Variants in HIPK2 observed in about 807,000 individuals in gnomAD.
HIPK2 encodes the protein homeodomain interacting protein kinase 2, also known as homeodomain-interacting protein kinase 2.
HIPK2 carries 27 observed loss-of-function variants against 113.7 expected under a neutral mutation model. The ratio of observed to expected loss-of-function variants is 0.24; its 90% CI spans 0.17 to 0.33. The LOEUF (loss-of-function observed/expected upper bound fraction) is 0.33. Among genes scored for constraint, HIPK2 ranks in the 10% least tolerant of loss-of-function variants. HIPK2 has a pLI of 1.00. For missense variants in HIPK2, 1,257 were observed against 1,588.0 expected, an observed-to-expected ratio of 0.79 and a Z score of 3.54; for synonymous variants, 631 against 642.2, an observed-to-expected ratio of 0.98 and a Z score of 0.26.
At chr7:139,610,030 C>A (rs1260414703) in intron 9 of HIPK2, among the ~76,000 whole-genome samples, 1 of 152,194 alleles carries the variant, frequency 6.6e-6, no homozygotes, top group Non-Finnish European at 1.5e-5. Flanking sequence ...TGTTCACTTT[C>A]CTAATTACAG....
At chr7:139,680,768 A>AC (rs1554443292) in intron 2 of HIPK2, among the ~76,000 whole-genome samples, 4 of 151,938 alleles carry the variant, frequency 2.6e-5, no homozygotes, top group African/African-American at 4.8e-5. Context: ...GCCCACTGGG[A>AC]TTTTTTTGCT....
intron 2 of HIPK2, among the ~76,000 whole-genome samples, chr7:139,682,667 T>C (rs886568708): frequency 6.6e-6 from 1 of 152,214 alleles, no homozygotes; most frequent in Non-Finnish European, 1.5e-5. Context: ...AAGTGCTCCA[T>C]GCATGTTTAT....
chr7:139,619,061 G>C (rs980499246), intron 7 of HIPK2, among the ~76,000 whole-genome samples: 2 of 152,294 alleles, frequency 1.3e-5, no homozygotes, highest in South Asian at 4.1e-4. Context: ...ACGGCCCCCA[G>C]AGGGCAGCAG....
chr7:139,604,525 C>CA (rs1213178151), intron 9 of HIPK2, among the ~76,000 whole-genome samples: 2 of 151,490 alleles, frequency 1.3e-5, no homozygotes, highest in South Asian at 2.1e-4. Context: ...ACTAAAAATA[C>CA]AAAAAATTAG....
intron 2 of HIPK2, among the ~76,000 whole-genome samples, chr7:139,668,955 A>G (rs748021343): frequency 1.3e-5 from 2 of 151,932 alleles, no homozygotes; most frequent in Non-Finnish European, 2.9e-5. Flanking sequence ...GAAAATAATC[A>G]AATAACCATG....
intron 2 of HIPK2, among the ~76,000 whole-genome samples, chr7:139,644,612 A>G (rs1801144473): frequency 6.6e-6 from 1 of 152,174 alleles, no homozygotes; most frequent in South Asian, 2.1e-4. Context: ...CTTCCGATTC[A>G]TTGTTAGTCT....
intron 2 of HIPK2, among the ~76,000 whole-genome samples, chr7:139,646,391 T>TA (rs1801224900): frequency 1.3e-5 from 2 of 151,084 alleles, no homozygotes; most frequent in African/African-American, 2.4e-5. Context: ...TCCCAGCTAC[T>TA]CAGGAGGCTG....
chr7:139,767,413 A>G (rs1796570750), intron 1 of HIPK2, among the ~76,000 whole-genome samples: 1 of 152,232 alleles, frequency 6.6e-6, no homozygotes, highest in African/African-American at 2.4e-5. Flanking sequence ...CTCAAGGAAC[A>G]CACAGTCAAA....
chr7:139,708,712 G>A (rs1794980189), intron 2 of HIPK2, among the ~76,000 whole-genome samples: 1 of 152,216 alleles, frequency 6.6e-6, no homozygotes, highest in Non-Finnish European at 1.5e-5. Flanking sequence ...GTGTGTGCGT[G>A]TGCCCTTGCA....
intron 1 of HIPK2, among the ~76,000 whole-genome samples, chr7:139,729,367 GAGAGAGAGAGAGAGAGAA>G: frequency 7.0e-6 from 1 of 142,268 alleles, no homozygotes; most frequent in African/African-American, 2.8e-5. Context: ...GAGAGAGAGA[GAGAGAGAGAGAGAGAGAA>G]TTGGGAGTGG....
Position 139,563,865 on chromosome 7 carries a change from G to A in HIPK2, c.*9062C>T. On this transcript the variant is annotated 3_prime_UTR_variant, in exon 15 of 15. Transcript: ENST00000406875. ...TATCTGCTAAAGGAATGCCCTTTAG[G>A]TCACAGCAGGTCCTCTGCAGTTTGG... The A allele has an allele frequency of 2.5e-6, 1 of 398,578 alleles. No homozygotes were observed. The highest frequency in any genetic ancestry group is 4.4e-6 in the Non-Finnish European group (1 of 226,060). 24.7% of individuals were successfully genotyped at this position (398,578 alleles called of 1,614,324 possible). A position where few individuals can be genotyped will look rare whatever the true frequency, so the allele number is the denominator to read the frequency against.
chr7:139,773,114 T>A (rs2117181447), intron 1 of HIPK2, among the ~76,000 whole-genome samples: 1 of 152,298 alleles, frequency 6.6e-6, no homozygotes, highest in East Asian at 1.9e-4. Context: ...AGGTCCTGCA[T>A]AAATGTTTGC....
intron 2 of HIPK2, among the ~76,000 whole-genome samples, chr7:139,661,081 T>A (rs1801852837): frequency 6.6e-6 from 1 of 152,246 alleles, no homozygotes; most frequent in East Asian, 1.9e-4. Context: ...GGTTGATCTA[T>A]TGCCAATTTC....
At chr7:139,593,158 G>C (rs1405712172) in intron 12 of HIPK2, among the ~76,000 whole-genome samples, 2 of 152,230 alleles carry the variant, frequency 1.3e-5, no homozygotes, top group South Asian at 4.1e-4. Context: ...CAGTTATTAA[G>C]TTTGACATTT....
chr7:139,763,503 T>C (rs1796505108), intron 1 of HIPK2, among the ~76,000 whole-genome samples: 1 of 110,394 alleles, frequency 9.1e-6, no homozygotes, highest in Non-Finnish European at 1.7e-5. Context: ...TCCCACCACG[T>C]GACTCGTGTA....
intron 1 of HIPK2, among the ~76,000 whole-genome samples, chr7:139,771,586 G>A (rs536638037): frequency 1.3e-5 from 2 of 152,272 alleles, no homozygotes; most frequent in South Asian, 2.1e-4. Flanking sequence ...GGAACTGCAC[G>A]GCTATTGTAG....
At chr7:139,595,167 C>A (rs1799158634) in intron 12 of HIPK2, among the ~76,000 whole-genome samples, 1 of 152,142 alleles carries the variant, frequency 6.6e-6, no homozygotes, top group Non-Finnish European at 1.5e-5. Flanking sequence ...TTTTAAATTG[C>A]TTTTGCTTTT....
intron 9 of HIPK2, among the ~76,000 whole-genome samples, chr7:139,608,599 C>T (rs956508214): frequency 2.0e-5 from 3 of 152,104 alleles, no homozygotes; most frequent in African/African-American, 7.2e-5. Context: ...TGTGGGCAAC[C>T]TAATTCCAGT....
chr7:139,626,651 G>C lies in HIPK2; in HGVS notation c.1569C>G (p.Asn523Lys), dbSNP rs1189251746. 1.9e-6 allele frequency: 3 copies of C among 1,613,986 alleles called. No homozygotes were observed. Among genetic ancestry groups the C allele is most frequent in the Non-Finnish European group, 2.5e-6 (3 of 1,179,896 alleles). ...AGTGTGTCATGGTGACAAAGGGATG[G>C]TTCAGGGTTTCGATTGGAGTGATTC... is the stretch of plus-strand genomic sequence containing the variant. ...DKRITPIETL[N>K]HPFVTMTHLL... is the part of the protein sequence containing the mutation. The change falls in exon 6 of 15, where the codon AAC (asparagine) becomes AAG (lysine). Residue 523 changes from asparagine (N) to lysine (K), a missense_variant. Asn to Lys is a moderately conservative substitution (Grantham distance 94). Coordinates refer to ENST00000406875, the MANE Select transcript of HIPK2 (RefSeq NM_022740.5).
Sources: gnomAD v4.1 joint callset for allele counts (sites outside exome capture counted in the v4.1 genomes callset) on GRCh38, gnomAD v4.1.1 for gene constraint, MANE v1.5 for transcripts, NCBI Gene and HGNC (gene_info 2026-07-23, HGNC 2026-07-21) for gene names.